Variants in HELZ observed in about 807,000 individuals in gnomAD.
HELZ encodes the protein helicase with zinc finger.
In HELZ, 23 loss-of-function variants were observed where a neutral mutation model predicts 218.2. The ratio of observed to expected loss-of-function variants is 0.11; its 90% confidence interval spans 0.08 to 0.15. The LOEUF (loss-of-function observed/expected upper bound fraction) is 0.15. Ranked by LOEUF, HELZ falls within the 10% of genes least tolerant of loss-of-function variation. The pLI is 1.00. For missense variants in HELZ, 1,813 were observed against 2,353.7 expected, an observed-to-expected ratio of 0.77 and a Z score of 4.75; for synonymous variants, 814 against 829.4, an observed-to-expected ratio of 0.98 and a Z score of 0.32.
chr17:67,243,942 TG>T, intron 1 of HELZ, 103 bp from the exon 2 acceptor site: 1 of 979,750 alleles, frequency 1.0e-6, no homozygotes. Flanking sequence ...ACATTTAAAA[TG>T]GAAAAAGTTA....
intron 31 of HELZ, among the ~76,000 whole-genome samples, chr17:67,104,887 T>G (rs1166803903): frequency 1.3e-5 from 2 of 152,032 alleles, no homozygotes; most frequent in Non-Finnish European, 2.9e-5. Flanking sequence ...TTTGGGAGGC[T>G]GGGGGCGGAT....
chr17:67,152,170 C>T (rs538600930), intron 17 of HELZ, among the ~76,000 whole-genome samples: 14 of 152,220 alleles, frequency 9.2e-5, no homozygotes, highest in African/African-American at 1.4e-4. Context: ...GAGAGGATTC[C>T]GGTTTGTAGT....
At chr17:67,107,707 T>G (rs2037150976) in intron 30 of HELZ, 22 bp from the exon 31 acceptor site, 1 of 1,588,998 alleles carries the variant, frequency 6.3e-7, no homozygotes, top group African/African-American at 1.4e-5. Context: ...CAATAAAATA[T>G]GAGGAGAAAA....
chr17:67,184,820 C>T (rs868391431), intron 12 of HELZ, among the ~76,000 whole-genome samples: 2 of 150,088 alleles, frequency 1.3e-5, no homozygotes, highest in East Asian at 2.0e-4. Context: ...TGTCTCTAAA[C>T]AAATAAATAA....
At chr17:67,184,659 T>A (rs2039704124) in intron 12 of HELZ, among the ~76,000 whole-genome samples, 2 of 151,862 alleles carry the variant, frequency 1.3e-5, no homozygotes, top group South Asian at 4.2e-4. Flanking sequence ...TTTAATTAAC[T>A]TTTTTAATTA....
chr17:67,140,253 T>C (rs1454336646), intron 21 of HELZ, among the ~76,000 whole-genome samples: 1 of 152,006 alleles, frequency 6.6e-6, no homozygotes, highest in Non-Finnish European at 1.5e-5. Context: ...TGGATGCAGG[T>C]TGGGAAAAGC....
chr17:67,092,481 G>T (rs780762986), intron 31 of HELZ, among the ~76,000 whole-genome samples: 3 of 152,100 alleles, frequency 2.0e-5, no homozygotes, highest in African/African-American at 4.8e-5. Flanking sequence ...ACTCCTCCCC[G>T]CAACAACAGT....
Position 67,195,838 on chromosome 17 carries a change from CTTTTTTTTTTTTTCTT to C in HELZ, c.430-384_430-369del, listed in dbSNP as rs1434780110. ...TGTCTGATTACAGAGGTTTCTTTTC[CTTTTTTTTTTTTTCTT>C]TTTTTTTTTTTTTTTGGGACAAAGT... On this transcript the variant is annotated intron_variant, in intron 7 of 32. Transcript: ENST00000358691. Among the ~76,000 whole-genome samples the C allele has an allele frequency of 3.5e-4, 36 of 101,560 alleles. 1 individual carries two copies. Among genetic ancestry groups the C allele is most frequent in the African/African-American group, 1.5e-3 (36 of 23,502 alleles). 66.6% of individuals were successfully genotyped at this position (101,560 alleles called of 152,430 possible). A position where few individuals can be genotyped will look rare whatever the true frequency, so the allele number is the denominator to read the frequency against.
intron 32 of HELZ, among the ~76,000 whole-genome samples, chr17:67,084,400 C>T (rs2036289792): frequency 6.6e-6 from 1 of 152,160 alleles, no homozygotes; most frequent in Non-Finnish European, 1.5e-5. Flanking sequence ...CGGTGGCTCA[C>T]GCCTGTAATC....
Position 67,244,935 on chromosome 17 carries a change from G to C in HELZ, c.-132+213C>G, listed in dbSNP as rs548774977. 274 of 986,048 alleles carry C rather than the reference G, an allele frequency of 2.8e-4. 3 individuals are homozygous for C. The South Asian group carries it at 0.01, about 36-fold the overall frequency. 61.1% of individuals were successfully genotyped at this position (986,048 alleles called of 1,614,324 possible). On this transcript the variant is annotated intron_variant, in intron 1 of 32. Coordinates refer to ENST00000358691, the MANE Select transcript of HELZ (RefSeq NM_014877.4). ...GCGGAGGGGAAGGGGACTAAGTAGG[G>C]GAAGAAGCTGTAAACAGCCCCAGCG... is the stretch of plus-strand genomic sequence containing the variant.
In HELZ at chr17:67,078,417, C is replaced by T. The variant is rs181902989; in HGVS notation, c.5664G>A (p.Ala1888=). The change falls in exon 33 of 33, where the codon GCG becomes GCA. Residue 1888 remains alanine (A), a synonymous_variant. Transcript: ENST00000358691. ...CATAGGACATGGCGGGCTTGCCCCC[C>T]GCAGAGCTCTGGGGGCTACTGCTAT... ...SANSSSPQSS[A]GGKPAMSYAS... The T allele has an allele frequency of 9.1e-5, 146 of 1,599,146 alleles. No individual in the cohort carries two copies. Among genetic ancestry groups the T allele is most frequent in the African/African-American group, 7.5e-4 (56 of 74,174 alleles).
At chr17:67,196,148 G>A (rs1001123144) in intron 7 of HELZ, among the ~76,000 whole-genome samples, 4 of 152,050 alleles carry the variant, frequency 2.6e-5, no homozygotes, top group South Asian at 2.1e-4. Flanking sequence ...CACCACGCCC[G>A]GCTAGAGGTT....
chr17:67,218,189 C>A (rs1235338547), intron 4 of HELZ, among the ~76,000 whole-genome samples: 2 of 152,076 alleles, frequency 1.3e-5, no homozygotes, highest in Non-Finnish European at 2.9e-5. Flanking sequence ...GGCTTGGCCT[C>A]CCAAAGTGCT....
chr17:67,148,422 G>C, intron 20 of HELZ, 147 bp downstream of exon 20: 1 of 629,290 alleles, frequency 1.6e-6, no homozygotes, highest in Non-Finnish European at 2.6e-6. Flanking sequence ...TTCTTTTAAA[G>C]ACATAAAATT....
intron 24 of HELZ, among the ~76,000 whole-genome samples, chr17:67,124,811 A>C (rs2037730524): frequency 6.6e-6 from 1 of 152,164 alleles, no homozygotes; most frequent in Non-Finnish European, 1.5e-5. Context: ...TCTACCATTA[A>C]AAATGATGAC....
At position 67,128,872 on chromosome 17, in the gene HELZ, C is replaced by T. The variant is rs2037886659; in HGVS notation, c.3183-17G>A. 4 of 1,576,180 alleles carry T rather than the reference C, an allele frequency of 2.5e-6. No individual in the cohort carries two copies. The highest frequency in any genetic ancestry group is 3.5e-6 in the Non-Finnish European group (4 of 1,145,890). The stretch of plus-strand genomic sequence containing the variant: ...CAAAATTTCCTACAGAAAAGATTTA[C>T]AAGATCAGATTACAATTCAATGGAT... On this transcript the variant is annotated splice_polypyrimidine_tract_variant and intron_variant, in intron 23 of 32. Coordinates refer to ENST00000358691, the MANE Select transcript of HELZ (RefSeq NM_014877.4).
chr17:67,171,061 G>A (rs1158934513), intron 13 of HELZ, among the ~76,000 whole-genome samples: 2 of 149,190 alleles, frequency 1.3e-5, no homozygotes, highest in South Asian at 2.1e-4. Flanking sequence ...TCACTATACA[G>A]TCAATGTCTT....
At chr17:67,234,292 C>CAAAAAAAAA (rs149931184) in intron 3 of HELZ, among the ~76,000 whole-genome samples, 1 of 83,214 alleles carries the variant, frequency 1.2e-5, no homozygotes, top group African/African-American at 3.8e-5. Context: ...CACTGTACTC[C>CAAAAAAAAA]AAAAAAAAAA....
chr17:67,170,826 CAA>C (rs71368805), intron 13 of HELZ, among the ~76,000 whole-genome samples: 11 of 119,264 alleles, frequency 9.2e-5, no homozygotes, highest in Non-Finnish European at 1.1e-4. Context: ...GACTCCATCT[CAA>C]AAAAAAAAAA....
Sources: allele counts gnomAD v4.1 joint callset (sites outside exome capture counted in the v4.1 genomes callset), GRCh38; gene constraint gnomAD v4.1.1; transcripts MANE v1.5; gene names NCBI Gene and HGNC (gene_info 2026-07-23, HGNC 2026-07-21).